Variants in PIEZO2 observed in about 807,000 individuals in gnomAD.
The protein encoded by PIEZO2 is piezo-type mechanosensitive ion channel component 2.
Under a neutral mutation model 337.3 loss-of-function variants are expected in PIEZO2, and 172 were observed. The observed-to-expected ratio is 0.51, with a 90% CI of 0.45 to 0.58. The LOEUF is 0.58. PIEZO2 is among the 20% of genes least tolerant of loss of function. PIEZO2 has a pLI of 0.00. For synonymous variants in PIEZO2, 1,251 were observed against 1,228.5 expected, an observed-to-expected ratio of 1.02 and a Z score of -0.38; for missense variants, 3,028 against 3,391.3, an observed-to-expected ratio of 0.89 and a Z score of 2.66.
chr18:10,782,471 TAA>T (rs35278450), intron 17 of PIEZO2, among the ~76,000 whole-genome samples: 95,703 of 112,790 alleles, frequency 0.85, 40,834 homozygotes, highest in East Asian at 0.93. Flanking sequence ...TTATATTAAA[TAA>T]TATATATTAT....
intron 49 of PIEZO2, among the ~76,000 whole-genome samples, chr18:10,684,446 T>C (rs1218070080): frequency 7.1e-5 from 10 of 140,688 alleles, no homozygotes; most frequent in South Asian, 2.3e-4. Flanking sequence ...ATTACAAGCG[T>C]GAACCACTGC....
intron 48 of PIEZO2, among the ~76,000 whole-genome samples, chr18:10,690,177 G>A (rs1337216707): frequency 1.3e-5 from 2 of 152,118 alleles, no homozygotes; most frequent in Non-Finnish European, 2.9e-5. Flanking sequence ...TAGGGGTGGT[G>A]CACCTGGTAG....
rs79974969 is a variant in PIEZO2, at chr18:10,773,201, T to C, written c.2785+211A>G. Among the ~76,000 whole-genome samples the C allele has an allele frequency of 0.028, 4,277 of 152,306 alleles. 199 individuals are homozygous for C. The highest frequency in any genetic ancestry group is 0.097 in the African/African-American group (4,046 of 41,558). On this transcript the variant is annotated intron_variant, in intron 20 of 55. Coordinates refer to ENST00000674853, the MANE Select transcript of PIEZO2 (RefSeq NM_001378183.1). The surrounding 1 kb of genome is among the most constrained non-coding windows in gnomAD (Gnocchi z 5.3). ...TTGAGGGTCAGTCACTGATAACCAG[T>C]CGTCTGGTCTCTACTCAGTCAGAAT... is the stretch of plus-strand genomic sequence containing the variant.
At chr18:10,920,439 T>C (rs1438128212) in intron 3 of PIEZO2, among the ~76,000 whole-genome samples, 2 of 152,136 alleles carry the variant, frequency 1.3e-5, no homozygotes, top group African/African-American at 2.4e-5. Context: ...AGCCTAAATA[T>C]GCAGTAATTA....
intron 36 of PIEZO2, among the ~76,000 whole-genome samples, chr18:10,731,182 TATATA>T (rs2036762473): frequency 4.5e-5 from 1 of 22,394 alleles, no homozygotes; most frequent in African/African-American, 2.8e-4. Flanking sequence ...AAAGATTATA[TATATA>T]TATATATATA....
intron 4 of PIEZO2, among the ~76,000 whole-genome samples, chr18:10,910,809 A>G (rs1412362342): frequency 6.6e-6 from 1 of 152,128 alleles, no homozygotes; most frequent in Admixed American, 6.5e-5. Flanking sequence ...ATCAATAGAA[A>G]TATAAACTTT....
chr18:10,882,470 A>G (rs1029790464), intron 4 of PIEZO2, among the ~76,000 whole-genome samples: 1 of 152,238 alleles, frequency 6.6e-6, no homozygotes, highest in Non-Finnish European at 1.5e-5. Flanking sequence ...GTATTTAGTA[A>G]GGACATTAAA....
Position 11,080,661 on chromosome 18 carries a change from C to G in PIEZO2, c.65-14439G>C, listed in dbSNP as rs1340137104. Among the ~76,000 whole-genome samples, 1 of 152,118 alleles carries G rather than the reference C, an allele frequency of 6.6e-6. No individual in the cohort carries two copies. Among genetic ancestry groups the G allele is most frequent in the Non-Finnish European group, 1.5e-5 (1 of 68,014 alleles). ...GAGATCAAGACTATCCTGGCCAACACGGTGAAACCCCGTCTCTACTAAAAA... is the reference window on the plus strand; with the variant it reads ...GAGATCAAGACTATCCTGGCCAACAGGGTGAAACCCCGTCTCTACTAAAAA... On this transcript the variant is annotated intron_variant, in intron 1 of 55. Coordinates refer to ENST00000674853, the MANE Select transcript of PIEZO2 (RefSeq NM_001378183.1). The surrounding 1 kb of genome is among the most constrained non-coding windows in gnomAD (Gnocchi z 5.4).
chr18:10,947,689 T>G (rs1255767309), intron 3 of PIEZO2, among the ~76,000 whole-genome samples: 1 of 152,154 alleles, frequency 6.6e-6, no homozygotes, highest in Non-Finnish European at 1.5e-5. Context: ...GGTCACTACA[T>G]AGGTAAGCAG....
chr18:11,115,698 G>C (rs1399633676), intron 1 of PIEZO2, among the ~76,000 whole-genome samples: 3 of 152,134 alleles, frequency 2.0e-5, no homozygotes, highest in African/African-American at 7.2e-5. Context: ...TATACTTTAA[G>C]AAAATGCTAT....
Position 10,795,341 on chromosome 18 carries a change from ATTTT to A in PIEZO2, c.1528-343_1528-340del, listed in dbSNP as rs2039547683. ...ATTTTATTTTATTTTATTTTATTTTATTTTATTTTATTATTTTATTTTATTTTAT... is the reference window on the plus strand; with the variant it reads ...ATTTTATTTTATTTTATTTTATTTTAATTTTATTATTTTATTTTATTTTAT... On this transcript the variant is annotated intron_variant, in intron 12 of 55. Transcript: ENST00000674853. This position sits in a 1 kb window ranked among gnomAD's most constrained non-coding sequence, Gnocchi z 4.4. Among the ~76,000 whole-genome samples, 1 of 22,050 alleles carries A rather than the reference ATTTT, an allele frequency of 4.5e-5. No individual in the cohort carries two copies. Among genetic ancestry groups the A allele is most frequent in the Non-Finnish European group, 1.0e-4 (1 of 9,846 alleles). The allele number at this position is 22,050 out of a possible 152,430, so 14.5% of individuals were successfully genotyped here.
chr18:11,120,991 G>A (rs1299203157), intron 1 of PIEZO2, among the ~76,000 whole-genome samples: 2 of 152,154 alleles, frequency 1.3e-5, no homozygotes, highest in Non-Finnish European at 2.9e-5. Context: ...GGTGGCTCAC[G>A]CCTAAAATCC....
In PIEZO2 at chr18:10,872,237, T is replaced by C. The variant is rs1739874887; in HGVS notation, c.330-822A>G. Among the ~76,000 whole-genome samples, 1 of 152,210 alleles carries C rather than the reference T, an allele frequency of 6.6e-6. No homozygotes were observed. Among genetic ancestry groups the C allele is most frequent in the African/African-American group, 2.4e-5 (1 of 41,456 alleles). ...AGCATCAATTGACACTTAGATAATTTTCACACATATAGGGCATTTTTGTTA... is the reference window on the plus strand; with the variant it reads ...AGCATCAATTGACACTTAGATAATTCTCACACATATAGGGCATTTTTGTTA... On this transcript the variant is annotated intron_variant, in intron 4 of 55. Transcript: ENST00000674853. This position sits in a 1 kb window ranked among gnomAD's most constrained non-coding sequence, Gnocchi z 4.3.
Position 10,856,174 on chromosome 18 carries a change from C to T in PIEZO2, c.704-608G>A, listed in dbSNP as rs1385297897. ...TTGGCCTTCCAAAGGGCTCGGATTA[C>T]AGGCATGAGCCACTGCTCCTGGCCA... On this transcript the variant is annotated intron_variant, in intron 6 of 55. Transcript: ENST00000674853. This position sits in a 1 kb window ranked among gnomAD's most constrained non-coding sequence, Gnocchi z 4.7. Among the ~76,000 whole-genome samples the T allele has an allele frequency of 6.6e-6, 1 of 152,132 alleles. No individual in the cohort carries two copies. The highest frequency in any genetic ancestry group is 1.5e-5 in the Non-Finnish European group (1 of 68,016).
chr18:11,086,518 CAAA>C (rs35240439), intron 1 of PIEZO2, among the ~76,000 whole-genome samples: 1 of 125,434 alleles, frequency 8.0e-6, no homozygotes, highest in South Asian at 2.6e-4. Flanking sequence ...GACTCCGTCT[CAAA>C]AAAAAAAAAA....
At chr18:10,928,920 CCT>C (rs924888133) in intron 3 of PIEZO2, among the ~76,000 whole-genome samples, 32 of 152,154 alleles carry the variant, frequency 2.1e-4, no homozygotes, top group African/African-American at 7.0e-4. Context: ...CAAACATTCC[CCT>C]GTCCTACTTG....
At chr18:10,932,406 A>G (rs532502517) in intron 3 of PIEZO2, among the ~76,000 whole-genome samples, 2 of 152,184 alleles carry the variant, frequency 1.3e-5, no homozygotes, top group East Asian at 1.9e-4. Context: ...AAACAAAACA[A>G]AACAAAAAAC....
At chr18:10,818,207 G>A (rs1254716723) in intron 7 of PIEZO2, among the ~76,000 whole-genome samples, 1 of 152,122 alleles carries the variant, frequency 6.6e-6, no homozygotes, top group African/African-American at 2.4e-5. Context: ...AGTGCTATTA[G>A]ATTAGATATA....
Position 10,830,842 on chromosome 18 carries a change from T to A in PIEZO2, c.918-23568A>T, listed in dbSNP as rs145645815. Among the ~76,000 whole-genome samples the A allele has an allele frequency of 6.6e-6, 1 of 151,954 alleles. No homozygotes were observed. Among genetic ancestry groups the A allele is most frequent in the Non-Finnish European group, 1.5e-5 (1 of 67,966 alleles). On this transcript the variant is annotated intron_variant, in intron 7 of 55. Coordinates refer to ENST00000674853, the MANE Select transcript of PIEZO2 (RefSeq NM_001378183.1). The surrounding 1 kb of genome is among the most constrained non-coding windows in gnomAD (Gnocchi z 4.7). ...TCAAACAATTCAATAGGAAAAAAAATCTAATAATCTGGTTAAAAATTTGGT... is the reference window on the plus strand; with the variant it reads ...TCAAACAATTCAATAGGAAAAAAAAACTAATAATCTGGTTAAAAATTTGGT...
Sources: gnomAD v4.1 joint callset for allele counts (sites outside exome capture counted in the v4.1 genomes callset) on GRCh38, gnomAD v4.1.1 for gene constraint, Gnocchi (gnomAD v3.1) non-coding constraint, MANE v1.5 for transcripts, NCBI Gene and HGNC (gene_info 2026-07-23, HGNC 2026-07-21) for gene names.